WWOX: variants seen among roughly 807,000 people sequenced by gnomAD.
WWOX encodes the protein WW domain-containing oxidoreductase.
A neutral mutation model predicts 46.2 loss-of-function variants in WWOX; 69 were observed. That is an observed-to-expected ratio of 1.49 (90% confidence interval 1.23 to 1.82). The LOEUF is 1.82. Ranked by LOEUF, WWOX falls within the 40% of genes most tolerant of loss-of-function variation. WWOX has a pLI of 0.00. For missense variants in WWOX, 919 were observed against 542.6 expected (o/e 1.69, Z -6.89); for synonymous variants, 359 against 202.6 (o/e 1.77, Z -6.56).
intron 5 of WWOX, among the ~76,000 whole-genome samples, chr16:78,318,805 T>G (rs1238981649): frequency 6.6e-6 from 1 of 152,184 alleles, no homozygotes; most frequent in Non-Finnish European, 1.5e-5. Flanking sequence ...TTTTACTCAC[T>G]TTTCTACAAG....
chr16:78,239,148 C>A (rs1338757037), intron 5 of WWOX, among the ~76,000 whole-genome samples: 1 of 152,182 alleles, frequency 6.6e-6, no homozygotes, highest in East Asian at 1.9e-4. Flanking sequence ...TTTGGTTCAT[C>A]CTGACTTTGC....
At chr16:79,104,223 A>C (rs1342487214) in intron 8 of WWOX, among the ~76,000 whole-genome samples, 3 of 152,208 alleles carry the variant, frequency 2.0e-5, no homozygotes, top group Non-Finnish European at 4.4e-5. Context: ...TTGAAAAAAA[A>C]TGTGGTAACA....
intron 8 of WWOX, among the ~76,000 whole-genome samples, chr16:78,692,798 C>T (rs1326930291): frequency 1.3e-5 from 2 of 152,176 alleles, no homozygotes; most frequent in Admixed American, 6.5e-5. Context: ...TACCAGAGTT[C>T]ATTTGAAGTC....
At chr16:78,429,625 T>C (rs1035278715) in intron 7 of WWOX, among the ~76,000 whole-genome samples, 16 of 152,168 alleles carry the variant, frequency 1.1e-4, no homozygotes, top group Non-Finnish European at 2.2e-4. Context: ...GTCTATGCCA[T>C]GTAGGTAGAG....
At chr16:78,559,894 C>G (rs1415382133) in intron 8 of WWOX, among the ~76,000 whole-genome samples, 1 of 152,198 alleles carries the variant, frequency 6.6e-6, no homozygotes, top group Non-Finnish European at 1.5e-5. Flanking sequence ...CAATTTATGA[C>G]TTGGCTTACA....
intron 5 of WWOX, among the ~76,000 whole-genome samples, chr16:78,259,112 A>G (rs1158272403): frequency 6.6e-6 from 1 of 152,250 alleles, no homozygotes; most frequent in Non-Finnish European, 1.5e-5. Context: ...TGAGTTAGAA[A>G]TAGAGTTTTA....
At chr16:78,469,127 T>C (rs995572972) in intron 8 of WWOX, among the ~76,000 whole-genome samples, 1 of 152,158 alleles carries the variant, frequency 6.6e-6, no homozygotes, top group African/African-American at 2.4e-5. Flanking sequence ...CAGAGGCAAA[T>C]GGTGATACCT....
intron 8 of WWOX, among the ~76,000 whole-genome samples, chr16:78,614,881 G>A (rs2045983355): frequency 6.6e-6 from 1 of 152,160 alleles, no homozygotes; most frequent in Non-Finnish European, 1.5e-5. Context: ...GTTTGCTGCA[G>A]CCATCAAGCC....
chr16:78,321,373 T>C (rs1486455393), intron 5 of WWOX, among the ~76,000 whole-genome samples: 1 of 44,744 alleles, frequency 2.2e-5, no homozygotes, highest in Non-Finnish European at 4.1e-5. Flanking sequence ...TATATATACG[T>C]ATATATGCGT....
intron 8 of WWOX, among the ~76,000 whole-genome samples, chr16:79,013,012 T>C (rs1451840145): frequency 6.6e-6 from 1 of 152,088 alleles, no homozygotes; most frequent in Non-Finnish European, 1.5e-5. Context: ...GAGGTTGCAG[T>C]GAGCTGAGAT....
intron 8 of WWOX, among the ~76,000 whole-genome samples, chr16:78,996,888 A>T (rs1268145883): frequency 6.6e-6 from 1 of 152,194 alleles, no homozygotes; most frequent in Non-Finnish European, 1.5e-5. Flanking sequence ...AGCTGCGTCC[A>T]CAGTCCCTGC....
At chr16:79,115,537 C>T (rs542460469) in intron 8 of WWOX, among the ~76,000 whole-genome samples, 2 of 152,262 alleles carry the variant, frequency 1.3e-5, no homozygotes, top group South Asian at 2.1e-4. Context: ...ATCAGTTATG[C>T]AGTTTACAAT....
At chr16:79,025,700 G>C (rs2047624250) in intron 8 of WWOX, among the ~76,000 whole-genome samples, 1 of 152,040 alleles carries the variant, frequency 6.6e-6, no homozygotes, top group Non-Finnish European at 1.5e-5. Context: ...ACAGATGCAG[G>C]AAACTAATAT....
At chr16:78,585,806 C>G (rs751204152) in intron 8 of WWOX, among the ~76,000 whole-genome samples, 1 of 151,886 alleles carries the variant, frequency 6.6e-6, no homozygotes, top group Non-Finnish European at 1.5e-5. Flanking sequence ...TATCATGGTG[C>G]TCCTTGGCCT....
intron 8 of WWOX, among the ~76,000 whole-genome samples, chr16:78,681,828 C>G (rs1202600826): frequency 6.6e-6 from 1 of 152,190 alleles, no homozygotes; most frequent in Non-Finnish European, 1.5e-5. Flanking sequence ...GGCTTCTTTT[C>G]TTCAACTTTG....
At chr16:78,919,308 A>T (rs1312519185) in intron 8 of WWOX, among the ~76,000 whole-genome samples, 1 of 151,856 alleles carries the variant, frequency 6.6e-6, no homozygotes, top group Non-Finnish European at 1.5e-5. Context: ...GAGAAGTCAG[A>T]CAACTCACCC....
At position 78,790,389 on chromosome 16, in the gene WWOX, C is replaced by G. The variant is rs558620466; in HGVS notation, c.1056+357637C>G. Among the ~76,000 whole-genome samples, 11 of 152,242 alleles carry G rather than the reference C, an allele frequency of 7.2e-5. No homozygotes were observed. In the South Asian group the frequency reaches 2.3e-3, roughly 32 times the overall value. Reference sequence around the variant, plus strand: ...ACATCAAGTGATTTGCCCGCCCCAGCCTCCCAAAGTGCTGGGATTACAGGT... The same window carrying G: ...ACATCAAGTGATTTGCCCGCCCCAGGCTCCCAAAGTGCTGGGATTACAGGT... On this transcript the variant is annotated intron_variant, in intron 8 of 8. Transcript: ENST00000566780.
At chr16:78,464,109 C>A (rs75788728) in intron 8 of WWOX, among the ~76,000 whole-genome samples, 10,045 of 152,060 alleles carry the variant, frequency 0.066, 1,078 homozygotes, top group African/African-American at 0.23. Flanking sequence ...AGGGCTCTGA[C>A]CCATTCATCT....
intron 8 of WWOX, among the ~76,000 whole-genome samples, chr16:79,175,753 C>T (rs536988995): frequency 1.3e-5 from 2 of 152,288 alleles, no homozygotes; most frequent in African/African-American, 2.4e-5. Flanking sequence ...CAGAGTTACT[C>T]ATACGACTTA....
Sources: gnomAD v4.1 joint callset for allele counts (sites outside exome capture counted in the v4.1 genomes callset) on GRCh38, gnomAD v4.1.1 for gene constraint, MANE v1.5 for transcripts, NCBI Gene and HGNC (gene_info 2026-07-23, HGNC 2026-07-21) for gene names.